HNF1B: variants seen among roughly 807,000 people sequenced by gnomAD.
HNF1B encodes hepatocyte nuclear factor 1-beta.
Under a neutral mutation model 61.7 loss-of-function variants are expected in HNF1B, and 8 were observed. That is an observed-to-expected ratio of 0.13 (90% CI 0.08 to 0.23). HNF1B has a LOEUF of 0.23. Ranked by LOEUF, HNF1B falls within the 10% of genes least tolerant of loss-of-function variation. The pLI is 1.00. For synonymous variants in HNF1B, 314 were observed against 287.7 expected (o/e 1.09, Z -0.93); for missense variants, 562 against 714.5 (o/e 0.79, Z 2.43).
chr17:37,702,026 C>G (rs984684830), intron 6 of HNF1B, among the ~76,000 whole-genome samples: 2 of 152,130 alleles, frequency 1.3e-5, no homozygotes, highest in Non-Finnish European at 2.9e-5. Flanking sequence ...CTATCTCCTC[C>G]CTGAGAGCGA....
At chr17:37,743,453 CTGAT>C in intron 1 of HNF1B, among the ~76,000 whole-genome samples, 1 of 152,358 alleles carries the variant, frequency 6.6e-6, no homozygotes, top group East Asian at 1.9e-4. Flanking sequence ...ACAAGTTCCC[CTGAT>C]TGTTTTGGCT....
intron 4 of HNF1B, among the ~76,000 whole-genome samples, chr17:37,715,367 C>T (rs767895798): frequency 1.3e-5 from 2 of 152,156 alleles, no homozygotes; most frequent in Non-Finnish European, 2.9e-5. Flanking sequence ...CAAGGAGCAT[C>T]ACGTCTAGCA....
intron 4 of HNF1B, among the ~76,000 whole-genome samples, chr17:37,727,405 G>C (rs1200554081): frequency 6.6e-6 from 1 of 152,168 alleles, no homozygotes; most frequent in Non-Finnish European, 1.5e-5. Context: ...AGGCCCCCAA[G>C]AAGAGCAAAC....
chr17:37,714,701 C>T (rs980032515), intron 4 of HNF1B, among the ~76,000 whole-genome samples: 3 of 152,196 alleles, frequency 2.0e-5, no homozygotes, highest in African/African-American at 4.8e-5. Context: ...TGGATACAGA[C>T]GCAGATCATT....
chr17:37,709,590 A>T (rs1027998477), intron 5 of HNF1B, among the ~76,000 whole-genome samples: 3 of 152,058 alleles, frequency 2.0e-5, no homozygotes, highest in African/African-American at 7.2e-5. Flanking sequence ...TTCAAATTCA[A>T]ATTGTGCATT....
chr17:37,721,308 C>T (rs904483078), intron 4 of HNF1B, among the ~76,000 whole-genome samples: 8 of 152,092 alleles, frequency 5.3e-5, no homozygotes, highest in East Asian at 1.9e-4. Flanking sequence ...GTTCCTGAAA[C>T]GGGGAAGGAG....
chr17:37,691,658 T>C (rs1406986795), intron 8 of HNF1B, among the ~76,000 whole-genome samples: 1 of 152,014 alleles, frequency 6.6e-6, no homozygotes, highest in East Asian at 1.9e-4. Flanking sequence ...ATGAAAGAGG[T>C]ATCATTATCT....
chr17:37,697,296 A>T (rs769424949), intron 8 of HNF1B, among the ~76,000 whole-genome samples: 6 of 152,192 alleles, frequency 3.9e-5, no homozygotes, highest in African/African-American at 7.2e-5. Flanking sequence ...TCATCGCAGA[A>T]ATGAGTCTAT....
chr17:37,720,531 C>T (rs1275517667), intron 4 of HNF1B, among the ~76,000 whole-genome samples: 1 of 151,736 alleles, frequency 6.6e-6, no homozygotes, highest in African/African-American at 2.4e-5. Flanking sequence ...TTATATAGCA[C>T]ATATATGCTA....
At chr17:37,697,839 G>T (rs2147438293) in intron 8 of HNF1B, among the ~76,000 whole-genome samples, 1 of 152,250 alleles carries the variant, frequency 6.6e-6, no homozygotes, top group Non-Finnish European at 1.5e-5. Flanking sequence ...CAGCTGCCCT[G>T]GTCGTGTGTG....
intron 5 of HNF1B, among the ~76,000 whole-genome samples, chr17:37,706,546 G>A (rs2032754933): frequency 6.6e-6 from 1 of 152,000 alleles, no homozygotes; most frequent in Admixed American, 6.6e-5. Flanking sequence ...AACCAAACAG[G>A]TTTGTTTGTG....
chr17:37,733,615 C>T lies in HNF1B; in HGVS notation c.751G>A (p.Asp251Asn), dbSNP rs772451008. The part of the protein sequence containing the change: ...ASQQILYQAY[D>N]RQKNPSKEER... The stretch of plus-strand genomic sequence containing the variant: ...TCCTTGCTGGGGTTCTTTTGCCGAT[C>T]GTAGGCCTGGTACAAGATTTGCTGG... The change falls in exon 3 of 9, where the codon GAT (aspartate) becomes AAT (asparagine). Residue 251 changes from aspartate to asparagine, a missense_variant. Physicochemically the swap from Asp to Asn is conservative, Grantham distance 23. Transcript: ENST00000617811. The T allele has an allele frequency of 5.6e-6, 9 of 1,614,030 alleles. No homozygotes were observed. Among genetic ancestry groups the T allele is most frequent in the African/African-American group, 5.3e-5 (4 of 74,892 alleles).
intron 6 of HNF1B, among the ~76,000 whole-genome samples, chr17:37,704,011 A>G (rs1423615761): frequency 6.6e-6 from 1 of 152,256 alleles, no homozygotes; most frequent in African/African-American, 2.4e-5. Flanking sequence ...GTTGAAAGAA[A>G]GATGACCAAT....
intron 8 of HNF1B, among the ~76,000 whole-genome samples, chr17:37,691,557 C>T (rs992569518): frequency 1.1e-4 from 16 of 152,078 alleles, no homozygotes; most frequent in African/African-American, 3.9e-4. Flanking sequence ...CAAGAGTGAC[C>T]CAGCTTCCAT....
At chr17:37,733,516 G>C in intron 3 of HNF1B, 41 bp downstream of exon 3, 3 of 1,613,342 alleles carry the variant, frequency 1.9e-6, no homozygotes, top group Non-Finnish European at 2.5e-6. Context: ...CTGGGTCTGT[G>C]TACTTGCCCA....
At position 37,744,600 on chromosome 17, in the gene HNF1B, C is replaced by T. The variant is rs1164268948; in HGVS notation, c.285G>A (p.Leu95=). ...CCGCCTCCTCGGTGTTGAGCGCCTG[C>T]AGCTCCTTGAGGATGGGAGGTGTGT... ...DYDTPPILKE[L]QALNTEEAAE... is the part of the protein sequence containing the mutation. The change falls in exon 1 of 9, where the codon CTG becomes CTA. Residue 95 remains leucine (L), a synonymous_variant. Transcript: ENST00000617811. 2 of 1,609,080 alleles carry T rather than the reference C, an allele frequency of 1.2e-6. No individual in the cohort carries two copies. The highest frequency in any genetic ancestry group is 2.7e-5 in the African/African-American group (2 of 74,958).
chr17:37,721,046 A>C, intron 4 of HNF1B: 1 of 726,202 alleles, frequency 1.4e-6, no homozygotes, highest in Non-Finnish European at 1.7e-6. Flanking sequence ...ACAAGAACTC[A>C]CATAGACTTC....
intron 4 of HNF1B, among the ~76,000 whole-genome samples, chr17:37,711,560 A>C (rs1017823606): frequency 6.6e-6 from 1 of 152,236 alleles, no homozygotes; most frequent in Non-Finnish European, 1.5e-5. Context: ...AACTGAAGGA[A>C]GCTAAAAGAA....
intron 4 of HNF1B, among the ~76,000 whole-genome samples, chr17:37,721,367 A>G (rs1449359538): frequency 6.6e-6 from 1 of 152,158 alleles, no homozygotes; most frequent in African/African-American, 2.4e-5. Context: ...GAGTTTCACA[A>G]TAAAATACCA....
Sources: gnomAD v4.1 joint callset for allele counts (sites outside exome capture counted in the v4.1 genomes callset) on GRCh38, gnomAD v4.1.1 for gene constraint, MANE v1.5 for transcripts, NCBI Gene and HGNC (gene_info 2026-07-23, HGNC 2026-07-21) for gene names.